GRAMD2B: variants seen among roughly 807,000 people sequenced by gnomAD.
The protein encoded by GRAMD2B is GRAM domain containing 2B.
In GRAMD2B, 41 loss-of-function variants were observed where a neutral mutation model predicts 59.2. The observed-to-expected ratio is 0.69, with a 90% CI of 0.54 to 0.90. The LOEUF (loss-of-function observed/expected upper bound fraction) is 0.90. Ranked by LOEUF, GRAMD2B falls within the 40% of genes least tolerant of loss-of-function variation. The pLI is 0.00. For synonymous variants in GRAMD2B, 161 were observed against 182.7 expected (o/e 0.88, Z 0.96); for missense variants, 424 against 500.5 (o/e 0.85, Z 1.46).
intron 1 of GRAMD2B, among the ~76,000 whole-genome samples, chr5:126,438,803 A>G (rs186203401): frequency 7.9e-5 from 12 of 152,154 alleles, no homozygotes; most frequent in Non-Finnish European, 1.8e-4. Context: ...GGAGTGAACA[A>G]TCACATATAT....
Position 126,488,731 on chromosome 5 carries a change from A to G in GRAMD2B, c.1164-68A>G, listed in dbSNP as rs993985636. 4 of 1,065,926 alleles carry G rather than the reference A, an allele frequency of 3.8e-6. No individual in the cohort carries two copies. In the African/African-American group the frequency reaches 6.4e-5, roughly 17 times the overall value. The allele number at this position is 1,065,926 out of a possible 1,614,324, so 66.0% of individuals were successfully genotyped here. A position where few individuals can be genotyped will look rare whatever the true frequency, so the allele number is the denominator to read the frequency against. ...CCAATTTTCTGTTCAAATAAATTTT[A>G]AATGTGTTCATTCCACTTCTTTCCT... On this transcript the variant is annotated intron_variant, in intron 12 of 13. Transcript: ENST00000285689.
At chr5:126,478,370 A>T (rs999166057) in intron 6 of GRAMD2B, among the ~76,000 whole-genome samples, 2 of 152,102 alleles carry the variant, frequency 1.3e-5, no homozygotes, top group Non-Finnish European at 2.9e-5. Context: ...CCCAGGAGGT[A>T]AAGGCTGCAG....
chr5:126,418,122 C>T (rs1308498349), intron 1 of GRAMD2B, among the ~76,000 whole-genome samples: 3 of 152,140 alleles, frequency 2.0e-5, no homozygotes, highest in African/African-American at 4.8e-5. Flanking sequence ...GGAGTCAGAA[C>T]ACCTGAGTTC....
Position 126,486,894 on chromosome 5 carries a change from G to C in GRAMD2B, c.1080G>C (p.Ser360=). Residue 360 remains serine (S), a synonymous_variant, in exon 12 of 14, where the codon TCG becomes TCC. Transcript: ENST00000285689. ...CCAGTGTCTGTGCACTAATCATCTC[G>C]ACCTTCTACATGAGATACAGAATTA... The part of the protein sequence containing the change: ...YAIVVCALII[S]TFYMRYRINT... The C allele has an allele frequency of 6.2e-7, 1 of 1,611,254 alleles. No homozygotes were observed. Among genetic ancestry groups the C allele is most frequent in the Non-Finnish European group, 8.5e-7 (1 of 1,177,898 alleles).
chr5:126,466,873 A>G (rs1768528667), intron 2 of GRAMD2B, among the ~76,000 whole-genome samples: 1 of 152,334 alleles, frequency 6.6e-6, no homozygotes, highest in East Asian at 1.9e-4. Context: ...AGGCTTCCGT[A>G]ATAATAATAC....
chr5:126,492,834 T>C (rs2127001829), intron 13 of GRAMD2B, 81 bp from the exon 14 acceptor site: 1 of 876,042 alleles, frequency 1.1e-6, no homozygotes, highest in South Asian at 1.6e-5. Context: ...TAATATAGAA[T>C]GCTATATAGA....
At chr5:126,467,935 T>C (rs533349416) in intron 2 of GRAMD2B, among the ~76,000 whole-genome samples, 2 of 152,230 alleles carry the variant, frequency 1.3e-5, no homozygotes, top group Non-Finnish European at 2.9e-5. Flanking sequence ...CATAATTCTC[T>C]AACTTCAGTC....
intron 1 of GRAMD2B, among the ~76,000 whole-genome samples, chr5:126,454,067 G>C (rs1352650805): frequency 5.3e-5 from 8 of 151,972 alleles, no homozygotes; most frequent in Admixed American, 5.2e-4. Context: ...AGAGGAGGGA[G>C]CAGAGAACTG....
chr5:126,451,901 G>A (rs145798510), intron 1 of GRAMD2B, among the ~76,000 whole-genome samples: 1 of 152,056 alleles, frequency 6.6e-6, no homozygotes, highest in African/African-American at 2.4e-5. Context: ...AAAGAGTCTT[G>A]GACTTCCCCT....
At chr5:126,373,416 A>G (rs1229031632) in intron 1 of GRAMD2B, among the ~76,000 whole-genome samples, 3 of 152,320 alleles carry the variant, frequency 2.0e-5, no homozygotes, top group Non-Finnish European at 4.4e-5. Context: ...AGCTAATAAA[A>G]TGTACTTGCA....
rs563114809 is a variant in GRAMD2B at position 126,366,185 on chromosome 5, G to A, written c.128+5726G>A. On this transcript the variant is annotated intron_variant, in intron 1 of 13. Coordinates refer to the GRAMD2B transcript ENST00000513040. The stretch of plus-strand genomic sequence containing the variant: ...CCCTCCCCTCTTTATCATAAAAACC[G>A]TAGAATAAAGAAGTTTGAAGGAGAG... Among the ~76,000 whole-genome samples the A allele has an allele frequency of 5.3e-5, 8 of 152,268 alleles. 1 individual carries two copies. In the South Asian group the frequency reaches 8.3e-4, roughly 16 times the overall value.
chr5:126,432,072 G>C (rs1334860699), intron 1 of GRAMD2B, among the ~76,000 whole-genome samples: 1 of 152,156 alleles, frequency 6.6e-6, no homozygotes, highest in Non-Finnish European at 1.5e-5. Flanking sequence ...GGGACTACAG[G>C]CGTGCACCAC....
chr5:126,484,249 A>C, intron 9 of GRAMD2B, 153 bp from the exon 10 acceptor site: 1 of 789,416 alleles, frequency 1.3e-6, no homozygotes, highest in South Asian at 2.1e-5. Context: ...TTAAGCATTC[A>C]ATTTCAGCCC....
chr5:126,410,019 G>A (rs1010256055), intron 1 of GRAMD2B, among the ~76,000 whole-genome samples: 7 of 151,214 alleles, frequency 4.6e-5, no homozygotes, highest in Non-Finnish European at 1.0e-4. Flanking sequence ...CTTTATTTCT[G>A]AGGGCTCTGT....
At chr5:126,453,047 G>T (rs1765644067) in intron 1 of GRAMD2B, among the ~76,000 whole-genome samples, 1 of 152,144 alleles carries the variant, frequency 6.6e-6, no homozygotes, top group South Asian at 2.1e-4. Flanking sequence ...GGCTCATTGT[G>T]ACATCCAATT....
intron 1 of GRAMD2B, among the ~76,000 whole-genome samples, chr5:126,399,197 A>G (rs935096517): frequency 1.3e-5 from 2 of 152,160 alleles, no homozygotes; most frequent in Non-Finnish European, 2.9e-5. Flanking sequence ...TGGGGTATTG[A>G]GGTATCCTAC....
intron 1 of GRAMD2B, among the ~76,000 whole-genome samples, chr5:126,451,450 C>T (rs1423880738): frequency 1.3e-5 from 2 of 152,060 alleles, no homozygotes; most frequent in Non-Finnish European, 2.9e-5. Flanking sequence ...CTGTGTGGGG[C>T]CTGCTTCCCC....
intron 1 of GRAMD2B, among the ~76,000 whole-genome samples, chr5:126,384,018 G>C (rs1221606763): frequency 6.6e-6 from 1 of 152,034 alleles, no homozygotes; most frequent in Non-Finnish European, 1.5e-5. Flanking sequence ...GAGAAATAAT[G>C]GTATATTTAC....
At chr5:126,466,430 CTT>C (rs111776730) in intron 2 of GRAMD2B, 1,268 of 572,208 alleles carry the variant, frequency 2.2e-3, no homozygotes, top group Admixed American at 3.3e-3. Context: ...GGCATCTCAC[CTT>C]TTTTTTTTTT....
Sources: allele counts gnomAD v4.1 joint callset (sites outside exome capture counted in the v4.1 genomes callset), GRCh38; gene constraint gnomAD v4.1.1; transcripts MANE v1.5; gene names NCBI Gene and HGNC (gene_info 2026-07-23, HGNC 2026-07-21).